HS3ST5: variants seen among roughly 807,000 people sequenced by gnomAD.
The protein encoded by HS3ST5 is heparan sulfate glucosamine 3-O-sulfotransferase 5.
HS3ST5 carries 10 observed loss-of-function variants against 25.4 expected under a neutral mutation model. The ratio of observed to expected loss-of-function variants is 0.39; its 90% CI spans 0.24 to 0.67. HS3ST5 has a LOEUF of 0.67. HS3ST5 is among the 30% of genes least tolerant of loss of function. HS3ST5 has a pLI of 0.44. For synonymous variants in HS3ST5, 170 were observed against 162.4 expected (o/e 1.05, Z -0.36); for missense variants, 324 against 420.7 (o/e 0.77, Z 2.01).
chr6:114,231,305 G>T (rs929945910), intron 1 of HS3ST5: 2 of 152,174 alleles, frequency 1.3e-5, no homozygotes, highest in Non-Finnish European at 2.9e-5. Flanking sequence ...TTTGAAAAAG[G>T]TTGCTCCTGC....
At chr6:114,246,639 G>T (rs1772393229) in intron 1 of HS3ST5, among the ~76,000 whole-genome samples, 1 of 152,218 alleles carries the variant, frequency 6.6e-6, no homozygotes, top group South Asian at 2.1e-4. Context: ...GAGAAGAAAA[G>T]AACAAAATCT....
At chr6:114,299,611 T>C (rs1774985115) in intron 1 of HS3ST5, among the ~76,000 whole-genome samples, 1 of 152,110 alleles carries the variant, frequency 6.6e-6, no homozygotes, top group Non-Finnish European at 1.5e-5. Context: ...CCTTTATTTC[T>C]CAACCCGGCT....
chr6:114,198,348 C>T lies in HS3ST5; in HGVS notation c.-144-29886G>A, dbSNP rs181709686. ...TGGAGAGAGAAGACAGAGTAAGCAA[C>T]TTGGAAAACATATTTGAGAATATAA... On this transcript the variant is annotated intron_variant, in intron 2 of 4. Coordinates refer to ENST00000312719, the MANE Select transcript of HS3ST5 (RefSeq NM_153612.4). Among the ~76,000 whole-genome samples, 61 of 152,226 alleles carry T rather than the reference C, an allele frequency of 4.0e-4. No individual in the cohort carries two copies. The East Asian group carries it at 5.8e-3, about 14-fold the overall frequency.
intron 1 of HS3ST5, among the ~76,000 whole-genome samples, chr6:114,253,812 T>C (rs1253363468): frequency 6.6e-6 from 1 of 152,168 alleles, no homozygotes; most frequent in Non-Finnish European, 1.5e-5. Context: ...CTGTGTTTCG[T>C]TTTTCTCCCC....
chr6:114,149,832 C>T (rs1163984610), intron 3 of HS3ST5, among the ~76,000 whole-genome samples: 1 of 152,118 alleles, frequency 6.6e-6, no homozygotes. Context: ...GTGTAATACA[C>T]ATATACAAAA....
chr6:114,308,007 A>G lies in HS3ST5; in HGVS notation c.-339+34188T>C, dbSNP rs570623894. On this transcript the variant is annotated intron_variant, in intron 1 of 4. Transcript: ENST00000312719. The stretch of plus-strand genomic sequence containing the variant: ...GCTTAGAAATTGCTTTAGGAAGCAG[A>G]TAACAATATATTAATTTGGAAATAA... 3.9e-5 allele frequency among the ~76,000 whole-genome samples: 6 copies of G among 152,280 alleles called. No individual in the cohort carries two copies. The East Asian group carries it at 7.7e-4, about 20-fold the overall frequency.
intron 3 of HS3ST5, chr6:114,084,919 C>T (rs757567486): frequency 4.1e-6 from 2 of 482,578 alleles, no homozygotes; most frequent in Non-Finnish European, 7.4e-6. Flanking sequence ...GCAACCTCTG[C>T]CTCCCGGGTT....
chr6:114,339,988 G>T (rs1260526675), intron 1 of HS3ST5, among the ~76,000 whole-genome samples: 2 of 152,050 alleles, frequency 1.3e-5, no homozygotes, highest in Non-Finnish European at 2.9e-5. Context: ...CTCCCTTTTT[G>T]TTTAAAATAA....
intron 1 of HS3ST5, among the ~76,000 whole-genome samples, chr6:114,257,781 G>C (rs1394288027): frequency 6.6e-6 from 1 of 151,926 alleles, no homozygotes; most frequent in Admixed American, 6.6e-5. Flanking sequence ...CTGTCACCCA[G>C]GCTGGAGTGC....
chr6:114,112,199 C>G (rs1399107014), intron 3 of HS3ST5, among the ~76,000 whole-genome samples: 1 of 152,152 alleles, frequency 6.6e-6, no homozygotes, highest in African/African-American at 2.4e-5. Context: ...ATTAAAGTTG[C>G]AGATGGAATG....
At chr6:114,231,718 C>T (rs920030138) in intron 1 of HS3ST5, among the ~76,000 whole-genome samples, 17 of 146,984 alleles carry the variant, frequency 1.2e-4, no homozygotes, top group Non-Finnish European at 2.1e-4. Flanking sequence ...CTTATTAGGT[C>T]AATTGGTCTC....
chr6:114,075,788 C>T (rs1335879071), intron 3 of HS3ST5, among the ~76,000 whole-genome samples: 3 of 152,124 alleles, frequency 2.0e-5, no homozygotes, highest in Admixed American at 2.0e-4. Context: ...AGGAACACAA[C>T]CCTTCACATC....
intron 3 of HS3ST5, among the ~76,000 whole-genome samples, chr6:114,159,481 T>C (rs1025952502): frequency 2.6e-5 from 4 of 152,196 alleles, no homozygotes; most frequent in African/African-American, 7.2e-5. Flanking sequence ...ACTATGTTTA[T>C]ACTGTGTTCA....
intron 2 of HS3ST5, among the ~76,000 whole-genome samples, chr6:114,216,533 G>A (rs1413102457): frequency 6.6e-6 from 1 of 151,964 alleles, no homozygotes; most frequent in Non-Finnish European, 1.5e-5. Flanking sequence ...CATACATATA[G>A]ACACACATAT....
intron 1 of HS3ST5, among the ~76,000 whole-genome samples, chr6:114,277,133 G>T (rs1288761562): frequency 6.6e-6 from 1 of 151,492 alleles, no homozygotes; most frequent in African/African-American, 2.4e-5. Flanking sequence ...CATACCACAA[G>T]ATTCATGGTT....
intron 1 of HS3ST5, among the ~76,000 whole-genome samples, chr6:114,308,307 A>G (rs73544404): frequency 1.6e-3 from 247 of 152,156 alleles, no homozygotes; most frequent in Middle Eastern, 3.4e-3. Context: ...AGATGGTGGC[A>G]GGGCGCGGTG....
chr6:114,158,057 A>G (rs945762625), intron 3 of HS3ST5, among the ~76,000 whole-genome samples: 2 of 152,326 alleles, frequency 1.3e-5, no homozygotes, highest in African/African-American at 2.4e-5. Context: ...GAAGTGAAGC[A>G]GCGCCTCCAC....
intron 1 of HS3ST5, chr6:114,251,727 C>T (rs1772671551): frequency 6.6e-6 from 1 of 152,196 alleles, no homozygotes; most frequent in Non-Finnish European, 1.5e-5. Flanking sequence ...TCTGAAAACA[C>T]ATAACCCCAG....
rs556169621 is a variant in HS3ST5 at position 114,073,499 on chromosome 6, A to T, written c.-32-10622T>A. 2.6e-4 allele frequency among the ~76,000 whole-genome samples: 39 copies of T among 152,356 alleles called. No homozygotes were observed. In the South Asian group the frequency reaches 7.3e-3, roughly 28 times the overall value. ...CAAAGGATAAGAACAGACACTTCTCAAAAGAAGACATTTATGCAGCCAACA... is the reference window on the plus strand; with the variant it reads ...CAAAGGATAAGAACAGACACTTCTCTAAAGAAGACATTTATGCAGCCAACA... On this transcript the variant is annotated intron_variant, in intron 3 of 4. Coordinates refer to ENST00000312719, the MANE Select transcript of HS3ST5 (RefSeq NM_153612.4).
Sources: gnomAD v4.1 joint callset for allele counts (sites outside exome capture counted in the v4.1 genomes callset) on GRCh38, gnomAD v4.1.1 for gene constraint, MANE v1.5 for transcripts, NCBI Gene and HGNC (gene_info 2026-07-23, HGNC 2026-07-21) for gene names.